The following HHAT variants were observed in gnomAD, a reference collection of about 807,000 sequenced individuals.
The protein encoded by HHAT is hedgehog acyltransferase, also known as protein-cysteine N-palmitoyltransferase HHAT.
HHAT carries 47 observed loss-of-function variants against 70.8 expected under a neutral mutation model. That is an observed-to-expected ratio of 0.66 (90% CI 0.53 to 0.85). HHAT has a LOEUF of 0.85. Ranked by LOEUF, HHAT falls within the 40% of genes least tolerant of loss-of-function variation. The pLI is 0.00. For synonymous variants in HHAT, 228 were observed against 247.6 expected, an observed-to-expected ratio of 0.92 and a Z score of 0.74; for missense variants, 609 against 604.8, an observed-to-expected ratio of 1.01 and a Z score of -0.07.
intron 3 of HHAT, among the ~76,000 whole-genome samples, chr1:210,386,098 C>A (rs2091018646): frequency 6.6e-6 from 1 of 151,970 alleles, no homozygotes; most frequent in Non-Finnish European, 1.5e-5. Flanking sequence ...TGACATTACC[C>A]CACAATCTTA....
intron 6 of HHAT, among the ~76,000 whole-genome samples, chr1:210,406,215 A>G (rs752001875): frequency 6.6e-5 from 10 of 152,238 alleles, no homozygotes; most frequent in Non-Finnish European, 1.3e-4. Flanking sequence ...TGGACCAAAC[A>G]TCCACACACA....
intron 8 of HHAT, among the ~76,000 whole-genome samples, chr1:210,464,876 C>A (rs981997442): frequency 6.6e-6 from 1 of 151,206 alleles, no homozygotes; most frequent in Non-Finnish European, 1.5e-5. Context: ...AAGAAAGTTT[C>A]TTTCTGAGTC....
At chr1:210,343,950 A>G (rs1420073274) in intron 1 of HHAT, among the ~76,000 whole-genome samples, 2 of 152,170 alleles carry the variant, frequency 1.3e-5, no homozygotes, top group African/African-American at 4.8e-5. Context: ...GCCCTGGGCT[A>G]AGCATTTTAC....
intron 3 of HHAT, among the ~76,000 whole-genome samples, chr1:210,368,895 TG>T (rs1169388485): frequency 3.9e-5 from 6 of 152,004 alleles, no homozygotes; most frequent in Admixed American, 3.9e-4. Flanking sequence ...CTGGCCAACA[TG>T]GTGAAACTCC....
intron 3 of HHAT, among the ~76,000 whole-genome samples, chr1:210,371,361 G>C (rs1488645193): frequency 6.6e-6 from 1 of 151,908 alleles, no homozygotes. Flanking sequence ...TGCTGGCTAG[G>C]CTGGCCTCAA....
intron 3 of HHAT, among the ~76,000 whole-genome samples, chr1:210,371,515 G>A (rs2089570237): frequency 6.6e-6 from 1 of 152,134 alleles, no homozygotes. Context: ...TGGAGGGGCT[G>A]GCATGGAACA....
At chr1:210,521,611 T>A (rs780824468) in intron 9 of HHAT, among the ~76,000 whole-genome samples, 2 of 152,202 alleles carry the variant, frequency 1.3e-5, no homozygotes, top group African/African-American at 2.4e-5. Context: ...GATGAAGAAG[T>A]CTGCTCACCA....
chr1:210,426,208 T>C (rs969594409), intron 7 of HHAT, among the ~76,000 whole-genome samples: 4 of 152,232 alleles, frequency 2.6e-5, no homozygotes, highest in Non-Finnish European at 4.4e-5. Context: ...CCTGAGACTT[T>C]GCTGAAGTTG....
At chr1:210,618,454 T>C (rs1027148111) in intron 10 of HHAT, among the ~76,000 whole-genome samples, 7 of 152,174 alleles carry the variant, frequency 4.6e-5, no homozygotes, top group African/African-American at 1.7e-4. Flanking sequence ...GGAAGAACTG[T>C]GTCCAGCTGC....
chr1:210,517,973 A>G (rs2095087547), intron 9 of HHAT, among the ~76,000 whole-genome samples: 1 of 152,196 alleles, frequency 6.6e-6, no homozygotes. Context: ...AAAAAAATTG[A>G]CACACTGTAT....
chr1:210,659,763 C>T (rs182654347), intron 11 of HHAT, among the ~76,000 whole-genome samples: 8 of 152,288 alleles, frequency 5.3e-5, no homozygotes, highest in South Asian at 2.1e-4. Context: ...GCTGGTTCAA[C>T]GTATGCAAAT....
chr1:210,658,928 A>G (rs1373970804), intron 11 of HHAT, among the ~76,000 whole-genome samples: 1 of 152,234 alleles, frequency 6.6e-6, no homozygotes, highest in Non-Finnish European at 1.5e-5. Flanking sequence ...TCTGGGACAC[A>G]TGTAAAGCAG....
chr1:210,591,985 C>G (rs1195988357), intron 10 of HHAT, among the ~76,000 whole-genome samples: 2 of 152,040 alleles, frequency 1.3e-5, no homozygotes, highest in African/African-American at 2.4e-5. Flanking sequence ...TGTGGGTTGT[C>G]TCTTCACTTT....
intron 7 of HHAT, among the ~76,000 whole-genome samples, chr1:210,446,917 G>A (rs1303355619): frequency 6.6e-6 from 1 of 152,140 alleles, no homozygotes; most frequent in Non-Finnish European, 1.5e-5. Context: ...TATGTTCCAT[G>A]GACATAGGAA....
intron 3 of HHAT, chr1:210,374,227 A>AT (rs1409346850): frequency 6.6e-6 from 1 of 151,754 alleles, no homozygotes; most frequent in African/African-American, 2.4e-5. Flanking sequence ...AATCTTTAGT[A>AT]AAAGGCGAAA....
intron 8 of HHAT, among the ~76,000 whole-genome samples, chr1:210,474,828 T>G (rs1383570198): frequency 6.6e-6 from 1 of 151,618 alleles, no homozygotes; most frequent in African/African-American, 2.4e-5. Context: ...AGGTGTTTTT[T>G]TTTTTTTCCG....
intron 2 of HHAT, among the ~76,000 whole-genome samples, chr1:210,358,904 T>A (rs2087946059): frequency 6.6e-6 from 1 of 152,220 alleles, no homozygotes; most frequent in South Asian, 2.1e-4. Context: ...CCACCACAGC[T>A]CATTGGCAGC....
At chr1:210,658,591 T>C (rs776416212) in intron 11 of HHAT, among the ~76,000 whole-genome samples, 3 of 152,214 alleles carry the variant, frequency 2.0e-5, no homozygotes, top group Non-Finnish European at 2.9e-5. Context: ...GCAGACCTAA[T>C]AGACATCTAC....
At chr1:210,389,943 T>C (rs1462690734) in intron 4 of HHAT, among the ~76,000 whole-genome samples, 2 of 152,224 alleles carry the variant, frequency 1.3e-5, no homozygotes, top group Non-Finnish European at 2.9e-5. Flanking sequence ...GGTTGTCCTC[T>C]GTAAAATAGG....
Sources: gnomAD v4.1 joint callset for allele counts (sites outside exome capture counted in the v4.1 genomes callset) on GRCh38, gnomAD v4.1.1 for gene constraint, MANE v1.5 for transcripts, NCBI Gene and HGNC (gene_info 2026-07-23, HGNC 2026-07-21) for gene names.